PIEZO2: variants seen among roughly 807,000 people sequenced by gnomAD.
PIEZO2 encodes the protein piezo-type mechanosensitive ion channel component 2.
PIEZO2 carries 172 observed loss-of-function variants against 337.3 expected under a neutral mutation model. The ratio of observed to expected loss-of-function variants is 0.51; its 90% CI spans 0.45 to 0.58. The LOEUF is 0.58. PIEZO2 is among the 20% of genes least tolerant of loss of function. The pLI is 0.00. For missense variants in PIEZO2, 3,028 were observed against 3,391.3 expected (o/e 0.89, Z 2.66); for synonymous variants, 1,251 against 1,228.5 (o/e 1.02, Z -0.38).
intron 1 of PIEZO2, among the ~76,000 whole-genome samples, chr18:11,095,633 C>A (rs2039239961): frequency 6.6e-6 from 1 of 152,144 alleles, no homozygotes; most frequent in Admixed American, 6.5e-5. Context: ...TTTATTCATA[C>A]CAAGCAAGGA....
chr18:10,768,981 C>T (rs2038480503), intron 21 of PIEZO2, among the ~76,000 whole-genome samples: 1 of 152,232 alleles, frequency 6.6e-6, no homozygotes, highest in African/African-American at 2.4e-5. Flanking sequence ...CACACCTTCA[C>T]ACCCTGCCAC....
At position 10,859,964 on chromosome 18, in the gene PIEZO2, G is replaced by C. The variant is rs547896376; in HGVS notation, c.493-2753C>G. 1.6e-4 allele frequency among the ~76,000 whole-genome samples: 24 copies of C among 152,266 alleles called. No individual in the cohort carries two copies. Among genetic ancestry groups the C allele is most frequent in the African/African-American group, 5.5e-4 (23 of 41,552 alleles). On this transcript the variant is annotated intron_variant, in intron 5 of 55. Transcript: ENST00000674853. This position sits in a 1 kb window ranked among gnomAD's most constrained non-coding sequence, Gnocchi z 4.9. ...TAGGTGCAGCTAGGAAGTTTAAAGT[G>C]GGGAGGAAGGATAGATGATAATCAG...
rs1437044636 is a variant in PIEZO2 at position 10,897,275 on chromosome 18, G to A, written c.329+13911C>T. Among the ~76,000 whole-genome samples, 11 of 151,600 alleles carry A rather than the reference G, an allele frequency of 7.3e-5. No individual in the cohort carries two copies. In the East Asian group the frequency reaches 9.7e-4, roughly 13 times the overall value. On this transcript the variant is annotated intron_variant, in intron 4 of 55. Coordinates refer to ENST00000674853, the MANE Select transcript of PIEZO2 (RefSeq NM_001378183.1). ...AACCTCGGCTCACTGCAACCCCCAC[G>A]TCCCAGGCTCAAGCGATTCTCCTGC...
chr18:11,086,949 G>T (rs1265550798), intron 1 of PIEZO2, among the ~76,000 whole-genome samples: 1 of 152,142 alleles, frequency 6.6e-6, no homozygotes, highest in East Asian at 1.9e-4. Flanking sequence ...AAATCCACCT[G>T]CTATGTTCTG....
intron 1 of PIEZO2, among the ~76,000 whole-genome samples, chr18:11,120,489 T>C (rs1190408958): frequency 1.3e-5 from 2 of 152,170 alleles, no homozygotes; most frequent in Non-Finnish European, 2.9e-5. Context: ...ACCTGCTATT[T>C]TACAAAGTGC....
At chr18:10,686,021 A>G (rs2034531373) in intron 49 of PIEZO2, among the ~76,000 whole-genome samples, 1 of 151,912 alleles carries the variant, frequency 6.6e-6, no homozygotes, top group Non-Finnish European at 1.5e-5. Context: ...AATTTTTACT[A>G]TTTTCTTCTG....
chr18:10,797,367 T>C lies in PIEZO2; in HGVS notation c.1527+7A>G. 6.6e-7 allele frequency: 1 copy of C among 1,523,740 alleles called. No individual in the cohort carries two copies. Among genetic ancestry groups the C allele is most frequent in the Non-Finnish European group, 8.8e-7 (1 of 1,134,660 alleles). 94.4% of individuals were successfully genotyped at this position (1,523,740 alleles called of 1,614,324 possible). On this transcript the variant is annotated splice_region_variant and intron_variant, in intron 12 of 55. Coordinates refer to ENST00000674853, the MANE Select transcript of PIEZO2 (RefSeq NM_001378183.1). ...TCATATTATACCTATCATCATATCA[T>C]ACATACCATCATAGCTATGAGGGCA...
intron 1 of PIEZO2, among the ~76,000 whole-genome samples, chr18:11,121,365 G>A (rs769496889): frequency 2.6e-5 from 4 of 152,046 alleles, no homozygotes; most frequent in African/African-American, 7.2e-5. Flanking sequence ...GACCAGCCTG[G>A]GCAACATAGT....
rs187148865 is a variant in PIEZO2 at position 10,899,753 on chromosome 18, T to C, written c.329+11433A>G. Among the ~76,000 whole-genome samples, 15 of 152,310 alleles carry C rather than the reference T, an allele frequency of 9.8e-5. No individual in the cohort carries two copies. Among genetic ancestry groups the C allele is most frequent in the South Asian group, 2.1e-4 (1 of 4,820 alleles). On this transcript the variant is annotated intron_variant, in intron 4 of 55. Transcript: ENST00000674853. This position sits in a 1 kb window ranked among gnomAD's most constrained non-coding sequence, Gnocchi z 4.6. Reference sequence around the variant, plus strand: ...CAAGACTTGAAATGTTTCAGTGACATATAGTTCATCTCTTCATGCCCCTCA... The same window carrying C: ...CAAGACTTGAAATGTTTCAGTGACACATAGTTCATCTCTTCATGCCCCTCA...
In PIEZO2 at chr18:10,713,318, C is replaced by T. The variant is rs1265421301; in HGVS notation, c.5423+1446G>A. 1.3e-5 allele frequency among the ~76,000 whole-genome samples: 2 copies of T among 151,564 alleles called. No individual in the cohort carries two copies. The highest frequency in any genetic ancestry group is 2.4e-5 in the African/African-American group (1 of 41,294). On this transcript the variant is annotated intron_variant, in intron 39 of 55. Coordinates refer to ENST00000674853, the MANE Select transcript of PIEZO2 (RefSeq NM_001378183.1). This position sits in a 1 kb window ranked among gnomAD's most constrained non-coding sequence, Gnocchi z 4.5. ...GAGAGGCTCAAATACAGGAATGCAG[C>T]AACAGTTAATTAGCACTTTAGGGCA...
rs1020785983 is a variant in PIEZO2, at chr18:10,750,974, C to G, written c.4168-787G>C. Among the ~76,000 whole-genome samples the G allele has an allele frequency of 8.5e-5, 13 of 152,134 alleles. No individual in the cohort carries two copies. Among genetic ancestry groups the G allele is most frequent in the Admixed American group, 3.9e-4 (6 of 15,276 alleles). Reference sequence around the variant, plus strand: ...TGTTTTCCAGGCTAAGAATGCCTTCCCCCTTTGTCTCCCTGCAGACCCTTC... The same window carrying G: ...TGTTTTCCAGGCTAAGAATGCCTTCGCCCTTTGTCTCCCTGCAGACCCTTC... On this transcript the variant is annotated intron_variant, in intron 28 of 55. Transcript: ENST00000674853. This position sits in a 1 kb window ranked among gnomAD's most constrained non-coding sequence, Gnocchi z 4.1.
chr18:10,840,898 A>G (rs2041169400), intron 7 of PIEZO2, among the ~76,000 whole-genome samples: 1 of 152,158 alleles, frequency 6.6e-6, no homozygotes, highest in Non-Finnish European at 1.5e-5. Context: ...TCAGATTATT[A>G]CCCAACTCCT....
chr18:11,138,303 G>C (rs2040546830), intron 1 of PIEZO2, among the ~76,000 whole-genome samples: 1 of 152,140 alleles, frequency 6.6e-6, no homozygotes, highest in Admixed American at 6.5e-5. Flanking sequence ...AGTTTTGTTT[G>C]TTTGTTTTTT....
In PIEZO2 at chr18:10,979,507, C is replaced by G. The variant is rs1209784841; in HGVS notation, c.286+28G>C. ...CGTATATAAAAGAAATAAAAGAAAA[C>G]AATAAAAGAAAACACCATAATACTC... is the stretch of plus-strand genomic sequence containing the variant. On this transcript the variant is annotated intron_variant, in intron 3 of 55. Transcript: ENST00000674853. This position sits in a 1 kb window ranked among gnomAD's most constrained non-coding sequence, Gnocchi z 4.0. 4 of 1,449,962 alleles carry G rather than the reference C, an allele frequency of 2.8e-6. No individual in the cohort carries two copies. The highest frequency in any genetic ancestry group is 1.8e-6 in the Non-Finnish European group (2 of 1,096,332). The allele number at this position is 1,449,962 out of a possible 1,614,324, so 89.8% of individuals were successfully genotyped here. A position where few individuals can be genotyped will look rare whatever the true frequency, so the allele number is the denominator to read the frequency against.
chr18:10,807,015 A>G, intron 8 of PIEZO2, 97 bp downstream of exon 8: 2 of 1,213,632 alleles, frequency 1.6e-6, no homozygotes, highest in South Asian at 1.6e-5. Flanking sequence ...GTTGGAATAG[A>G]GTATCGATTA....
intron 2 of PIEZO2, among the ~76,000 whole-genome samples, chr18:11,061,938 C>A (rs2037976274): frequency 6.6e-6 from 1 of 152,172 alleles, no homozygotes. Context: ...CAAAAAAGAG[C>A]CCGCATTGCT....
intron 2 of PIEZO2, among the ~76,000 whole-genome samples, chr18:11,044,094 G>T (rs1180910140): frequency 6.6e-6 from 1 of 151,394 alleles, no homozygotes; most frequent in Non-Finnish European, 1.5e-5. Flanking sequence ...GGATACTTTA[G>T]AATCCAAAAT....
Position 10,861,135 on chromosome 18 carries a change from A to T in PIEZO2, c.493-3924T>A, listed in dbSNP as rs1451249077. On this transcript the variant is annotated intron_variant, in intron 5 of 55. Coordinates refer to ENST00000674853, the MANE Select transcript of PIEZO2 (RefSeq NM_001378183.1). This position sits in a 1 kb window ranked among gnomAD's most constrained non-coding sequence, Gnocchi z 4.3. ...ACACTGAACCTCTGAAAGAGCATGG[A>T]CTCACTCTCGCATGTTTACTAACAG... is the stretch of plus-strand genomic sequence containing the variant. 6.6e-6 allele frequency among the ~76,000 whole-genome samples: 1 copy of T among 152,126 alleles called. No individual in the cohort carries two copies. The highest frequency in any genetic ancestry group is 2.4e-5 in the African/African-American group (1 of 41,438).
At chr18:10,761,817 A>T (rs372598361) in intron 23 of PIEZO2, among the ~76,000 whole-genome samples, 57 of 152,322 alleles carry the variant, frequency 3.7e-4, no homozygotes, top group East Asian at 2.7e-3. Context: ...CCAGGTGCTG[A>T]GTGTAGAGGC....
Sources: allele counts gnomAD v4.1 joint callset (sites outside exome capture counted in the v4.1 genomes callset), GRCh38; gene constraint gnomAD v4.1.1; non-coding constraint Gnocchi (gnomAD v3.1); transcripts MANE v1.5; gene names NCBI Gene and HGNC (gene_info 2026-07-23, HGNC 2026-07-21).